Variants in NGEF observed in about 807,000 individuals in gnomAD.
The protein encoded by NGEF is ephexin-1.
NGEF carries 31 observed loss-of-function variants against 80.9 expected under a neutral mutation model. The ratio of observed to expected loss-of-function variants is 0.38; its 90% CI spans 0.29 to 0.52. The LOEUF (loss-of-function observed/expected upper bound fraction) is 0.52, where lower values mean the gene tolerates loss of function less well. NGEF is among the 20% of genes least tolerant of loss of function. NGEF has a pLI of 0.84. For synonymous variants in NGEF, 371 were observed against 370.2 expected (o/e 1.00, Z -0.03); for missense variants, 709 against 926.2 (o/e 0.77, Z 3.04).
intron 1 of NGEF, among the ~76,000 whole-genome samples, chr2:232,995,551 TATATACA>T (rs1694808899): frequency 1.1e-3 from 1 of 934 alleles, no homozygotes; most frequent in South Asian, 0.062. Context: ...GTATGTATAC[TATATACA>T]GTATGTATAC....
At chr2:233,009,637 G>A (rs1481663713) in intron 1 of NGEF, among the ~76,000 whole-genome samples, 20 of 144,458 alleles carry the variant, frequency 1.4e-4, no homozygotes, top group South Asian at 2.2e-4. Flanking sequence ...CATCTCTACA[G>A]AAAAAAAAAA....
chr2:232,963,778 A>C (rs1258563851), intron 3 of NGEF, among the ~76,000 whole-genome samples: 1 of 152,074 alleles, frequency 6.6e-6, no homozygotes, highest in Non-Finnish European at 1.5e-5. Context: ...GTGCCACTGC[A>C]CTCCAGCCTG....
intron 5 of NGEF, among the ~76,000 whole-genome samples, chr2:232,912,161 C>G (rs1201958731): frequency 6.6e-6 from 1 of 152,152 alleles, no homozygotes; most frequent in Non-Finnish European, 1.5e-5. Context: ...TGTGCCTTAT[C>G]AGGTCCAGGA....
At chr2:232,937,404 C>G (rs140364728) in intron 3 of NGEF, among the ~76,000 whole-genome samples, 1 of 152,342 alleles carries the variant, frequency 6.6e-6, no homozygotes, top group African/African-American at 2.4e-5. Context: ...CCCCACATAT[C>G]TGTTATCTTC....
At chr2:232,915,274 A>G (rs1360820085) in intron 5 of NGEF, among the ~76,000 whole-genome samples, 1 of 152,096 alleles carries the variant, frequency 6.6e-6, no homozygotes, top group Admixed American at 6.5e-5. Flanking sequence ...GTTTTTTCTA[A>G]TCATTCATCT....
At chr2:232,888,546 T>TAC (rs58140965) in intron 8 of NGEF, among the ~76,000 whole-genome samples, 158 of 151,272 alleles carry the variant, frequency 1.0e-3, no homozygotes, top group African/African-American at 3.7e-3. Flanking sequence ...TGCATGCACA[T>TAC]ACATGCATAC....
chr2:232,911,935 A>G (rs1338265237), intron 5 of NGEF, among the ~76,000 whole-genome samples: 1 of 152,210 alleles, frequency 6.6e-6, no homozygotes, highest in Non-Finnish European at 1.5e-5. Flanking sequence ...TAAACATGTC[A>G]TCTGTGAATG....
chr2:232,928,248 G>C (rs2106285413), intron 3 of NGEF: 3 of 817,350 alleles, frequency 3.7e-6, no homozygotes, highest in Non-Finnish European at 4.4e-6. Flanking sequence ...CCGGGCGGCG[G>C]CGGGGCGGGG....
At chr2:232,997,005 A>C in intron 1 of NGEF, among the ~76,000 whole-genome samples, 1 of 152,168 alleles carries the variant, frequency 6.6e-6, no homozygotes, top group African/African-American at 2.4e-5. Context: ...CTAACAGTTT[A>C]TGGAACTAGA....
intron 3 of NGEF, among the ~76,000 whole-genome samples, chr2:232,943,689 G>T (rs969260350): frequency 5.3e-5 from 8 of 150,776 alleles, no homozygotes; most frequent in African/African-American, 2.0e-4. Context: ...TAGAGACGGG[G>T]TTTCACTGTG....
intron 5 of NGEF, among the ~76,000 whole-genome samples, chr2:232,914,462 GGAGGCTGAGGCAGGGA>G (rs1162855639): frequency 1.3e-5 from 2 of 152,180 alleles, no homozygotes; most frequent in East Asian, 3.8e-4. Flanking sequence ...CAGCACTTTG[GGAGGCTGAGGCAGGGA>G]GATCACTTGA....
intron 5 of NGEF, among the ~76,000 whole-genome samples, chr2:232,898,960 G>A (rs1230264419): frequency 1.3e-5 from 2 of 151,612 alleles, no homozygotes; most frequent in Non-Finnish European, 2.9e-5. Context: ...AAGTGAATGT[G>A]TGTGTGAATG....
chr2:232,975,024 C>T (rs1022287947), intron 1 of NGEF, 60 bp from the exon 2 acceptor site: 4 of 817,152 alleles, frequency 4.9e-6, no homozygotes, highest in Non-Finnish European at 7.5e-6. Context: ...TCTATTCAGA[C>T]TGTGGAACTC....
chr2:232,905,203 CT>C (rs1692468808), intron 5 of NGEF, among the ~76,000 whole-genome samples: 1 of 152,188 alleles, frequency 6.6e-6, no homozygotes, highest in Non-Finnish European at 1.5e-5. Context: ...ACCTCCCTGC[CT>C]GATTGTCCTG....
At chr2:232,895,983 G>A (rs1264207543) in intron 5 of NGEF, among the ~76,000 whole-genome samples, 1 of 152,052 alleles carries the variant, frequency 6.6e-6, no homozygotes, top group Non-Finnish European at 1.5e-5. Flanking sequence ...GCAGATCCCG[G>A]CTCACCTTCC....
intron 1 of NGEF, chr2:233,012,708 A>C: frequency 2.6e-6 from 1 of 383,330 alleles, no homozygotes; most frequent in Non-Finnish European, 5.1e-6. Context: ...GTCCTTTTGA[A>C]AGCCTTACTA....
intron 1 of NGEF, among the ~76,000 whole-genome samples, chr2:233,002,427 C>A (rs759390829): frequency 1.4e-4 from 22 of 152,088 alleles, no homozygotes; most frequent in Non-Finnish European, 2.9e-4. Context: ...CCTGTAATCC[C>A]AGCACTTTGG....
chr2:232,892,930 C>T lies in NGEF; in HGVS notation c.1110G>A (p.Gln370=). The T allele has an allele frequency of 6.2e-7, 1 of 1,613,552 alleles. No individual in the cohort carries two copies. The highest frequency in any genetic ancestry group is 8.5e-7 in the Non-Finnish European group (1 of 1,179,928). ...GCTTATAGGTCCGCTCCTGGTAGGTCTGATTGCTGACGTAGGTGATGTAGA... is the reference window on the plus strand; with the variant it reads ...GCTTATAGGTCCGCTCCTGGTAGGTTTGATTGCTGACGTAGGTGATGTAGA... ...FSVYITYVSN[Q]TYQERTYKQL... Residue 370 remains glutamine, a synonymous_variant, in exon 7 of 15, where the codon CAG becomes CAA. Coordinates refer to ENST00000264051, the MANE Select transcript of NGEF (RefSeq NM_019850.3). This position sits in a 1 kb window ranked among gnomAD's most constrained non-coding sequence, Gnocchi z 4.0.
Position 232,879,524 on chromosome 2 carries a change from C to T in NGEF, c.2098G>A (p.Asp700Asn), listed in dbSNP as rs555521547. 6.2e-7 allele frequency: 1 copy of T among 1,611,786 alleles called. No homozygotes were observed. The highest frequency in any genetic ancestry group is 1.3e-5 in the African/African-American group (1 of 74,950). The change falls in exon 15 of 15, where the codon GAC becomes AAC. Residue 700 changes from aspartate to asparagine, a missense_variant. Physicochemically the swap from Asp to Asn is conservative, Grantham distance 23. This residue lies in a region of NGEF where 426 missense variants were observed against 622.9 expected (regional missense o/e 0.68). Coordinates refer to ENST00000264051, the MANE Select transcript of NGEF (RefSeq NM_019850.3). Reference protein sequence around the residue: ...MDDPQRSQNKDRRKLGSRNRQ With the variant: ...MDDPQRSQNKNRRKLGSRNRQ The stretch of plus-strand genomic sequence containing the variant: ...TTCCGGCTGCCCAGCTTCCTGCGGT[C>T]CTTGTTCTGGCTGCGCTGAGGGTCA...
Sources: allele counts gnomAD v4.1 joint callset (sites outside exome capture counted in the v4.1 genomes callset), GRCh38; gene constraint gnomAD v4.1.1; regional missense constraint gnomAD v4.1.1; non-coding constraint Gnocchi (gnomAD v3.1); transcripts MANE v1.5; gene names NCBI Gene and HGNC (gene_info 2026-07-23, HGNC 2026-07-21).